The following NFATC3 variants were observed in gnomAD, a reference collection of about 807,000 sequenced individuals.
NFATC3 encodes nuclear factor of activated T-cells, cytoplasmic 3.
Under a neutral mutation model 98.6 loss-of-function variants are expected in NFATC3, and 46 were observed. That is an observed-to-expected ratio of 0.47 (90% CI 0.37 to 0.60). The LOEUF is 0.60. NFATC3 is among the 20% of genes least tolerant of loss of function. NFATC3 has a pLI of 0.00. For synonymous variants in NFATC3, 512 were observed against 472.2 expected (o/e 1.08, Z -1.09); for missense variants, 1,256 against 1,295.5 (o/e 0.97, Z 0.47).
chr16:68,144,743 C>T (rs4517790), intron 3 of NFATC3, among the ~76,000 whole-genome samples: 10 of 151,900 alleles, frequency 6.6e-5, no homozygotes, highest in South Asian at 2.1e-4. Context: ...CTGCCACCTC[C>T]GCCTCCCAGG....
At chr16:68,188,791 C>T (rs1039369470) in intron 8 of NFATC3, among the ~76,000 whole-genome samples, 1 of 152,170 alleles carries the variant, frequency 6.6e-6, no homozygotes, top group Non-Finnish European at 1.5e-5. Context: ...TCACTGCAAC[C>T]TCTGCCTCCC....
At chr16:68,124,668 C>T (rs1307290657) in intron 2 of NFATC3, among the ~76,000 whole-genome samples, 1 of 151,864 alleles carries the variant, frequency 6.6e-6, no homozygotes, top group Admixed American at 6.6e-5. Flanking sequence ...CTCCTGACCT[C>T]GTGATCCTCC....
intron 1 of NFATC3, among the ~76,000 whole-genome samples, chr16:68,119,478 C>G (rs1321252657): frequency 6.6e-6 from 1 of 152,048 alleles, no homozygotes; most frequent in Admixed American, 6.6e-5. Context: ...CCTGACCACC[C>G]GTAGCTCTCA....
intron 3 of NFATC3, chr16:68,138,361 G>A (rs1480282845): frequency 9.3e-6 from 5 of 536,076 alleles, no homozygotes; most frequent in Non-Finnish European, 1.4e-5. Context: ...CTTAATGCTT[G>A]TTTACTATTA....
At chr16:68,138,152 C>T (rs576409471) in intron 3 of NFATC3, among the ~76,000 whole-genome samples, 2 of 152,174 alleles carry the variant, frequency 1.3e-5, no homozygotes, top group Admixed American at 1.3e-4. Flanking sequence ...TCTCCTGCCT[C>T]AACCTCCCAA....
intron 9 of NFATC3, among the ~76,000 whole-genome samples, chr16:68,207,346 C>A (rs2041190288): frequency 6.6e-6 from 1 of 152,108 alleles, no homozygotes; most frequent in Non-Finnish European, 1.5e-5. Context: ...TTGTTTCCCT[C>A]TCGGCTGTTG....
Position 68,122,031 on chromosome 16 carries a change from GA to G in NFATC3, c.149del (p.Asp50ValfsTer7). On this transcript the variant is annotated frameshift_variant, in exon 2 of 10. Transcript: ENST00000346183. LOFTEE classifies it high-confidence loss of function. ...DCASIYIFNV[D>X]PPPSTLTTPL... is the part of the protein sequence containing the mutation. ...TGCATCCATTTACATCTTTAATGTA[GA>G]TCCACCTCCATCTACTTTAACCACA... 1 of 1,611,924 alleles carries G rather than the reference GA, an allele frequency of 6.2e-7. No individual in the cohort carries two copies. Among genetic ancestry groups the G allele is most frequent in the Non-Finnish European group, 8.5e-7 (1 of 1,179,694 alleles).
chr16:68,190,445 A>T (rs1598549433), intron 8 of NFATC3, among the ~76,000 whole-genome samples: 1 of 152,248 alleles, frequency 6.6e-6, no homozygotes, highest in Non-Finnish European at 1.5e-5. Flanking sequence ...CAAAAGACAT[A>T]AAAAAGTATA....
chr16:68,147,900 G>A (rs962473886), intron 3 of NFATC3, among the ~76,000 whole-genome samples: 4 of 151,826 alleles, frequency 2.6e-5, no homozygotes, highest in Non-Finnish European at 5.9e-5. Context: ...CCCATCTGCC[G>A]CCAGATAAAC....
chr16:68,193,689 C>A (rs2040539818), intron 9 of NFATC3, among the ~76,000 whole-genome samples: 1 of 151,998 alleles, frequency 6.6e-6, no homozygotes, highest in Non-Finnish European at 1.5e-5. Context: ...AATTAAAAAG[C>A]CCTCCACATA....
At chr16:68,143,343 T>C (rs2037859666) in intron 3 of NFATC3, among the ~76,000 whole-genome samples, 1 of 152,172 alleles carries the variant, frequency 6.6e-6, no homozygotes, top group African/African-American at 2.4e-5. Flanking sequence ...GAAAATCAGC[T>C]GGAATTGTCA....
At chr16:68,161,089 A>G (rs1397878664) in intron 4 of NFATC3, among the ~76,000 whole-genome samples, 1 of 152,220 alleles carries the variant, frequency 6.6e-6, no homozygotes, top group Non-Finnish European at 1.5e-5. Context: ...TATTGACACC[A>G]GGCATCCTAT....
At chr16:68,163,815 A>C (rs2039037994) in intron 4 of NFATC3, among the ~76,000 whole-genome samples, 1 of 150,394 alleles carries the variant, frequency 6.6e-6, no homozygotes, top group Non-Finnish European at 1.5e-5. Context: ...GCGGCCGGGC[A>C]GAGACGCTCC....
In NFATC3 at chr16:68,103,014, A is replaced by G. The variant is rs146299966; in HGVS notation, c.103+17230A>G. On this transcript the variant is annotated intron_variant, in intron 1 of 9. Coordinates refer to ENST00000346183, the MANE Select transcript of NFATC3 (RefSeq NM_173165.3). ...GTCATTTGTATATCTTCTTTGGAGA[A>G]ATGCCTATTCATGTGCTTTGTCCAT... 2.9e-4 allele frequency among the ~76,000 whole-genome samples: 44 copies of G among 152,170 alleles called. No homozygotes were observed. In the East Asian group the frequency reaches 8.5e-3, roughly 29 times the overall value.
At chr16:68,121,912 C>G (rs1053544469) in intron 1 of NFATC3, 75 bp from the exon 2 acceptor site, 46 of 1,459,020 alleles carry the variant, frequency 3.2e-5, no homozygotes, top group Non-Finnish European at 4.2e-5. Flanking sequence ...ACTTTCTCAT[C>G]TAGTAATTTA....
chr16:68,138,994 T>G (rs1344550399), intron 3 of NFATC3, among the ~76,000 whole-genome samples: 1 of 152,208 alleles, frequency 6.6e-6, no homozygotes, highest in Non-Finnish European at 1.5e-5. Context: ...ATTTACTTAT[T>G]CGATATGTAT....
chr16:68,132,538 C>A (rs1028944706), intron 3 of NFATC3, among the ~76,000 whole-genome samples: 1 of 152,190 alleles, frequency 6.6e-6, no homozygotes, highest in Non-Finnish European at 1.5e-5. Context: ...CCAGCAGTTC[C>A]ACTGTTGGGA....
intron 9 of NFATC3, among the ~76,000 whole-genome samples, chr16:68,195,190 G>T (rs538647984): frequency 6.6e-6 from 1 of 152,144 alleles, no homozygotes; most frequent in African/African-American, 2.4e-5. Flanking sequence ...AGGAGGCGGA[G>T]GTTGCAGTGA....
At chr16:68,160,072 AAAAG>A (rs764852040) in intron 4 of NFATC3, among the ~76,000 whole-genome samples, 19 of 152,194 alleles carry the variant, frequency 1.2e-4, no homozygotes, top group Admixed American at 2.0e-4. Context: ...CTCAAAAAGA[AAAAG>A]AAACCCCAAA....
Sources: gnomAD v4.1 joint callset for allele counts (sites outside exome capture counted in the v4.1 genomes callset) on GRCh38, gnomAD v4.1.1 for gene constraint, MANE v1.5 for transcripts, NCBI Gene and HGNC (gene_info 2026-07-23, HGNC 2026-07-21) for gene names.